Variants in CSMD1 observed in about 807,000 individuals in gnomAD.
CSMD1 encodes CUB and Sushi multiple domains 1, also known as CUB and sushi domain-containing protein 1.
CSMD1 carries 213 observed loss-of-function variants against 417.5 expected under a neutral mutation model. The observed-to-expected ratio is 0.51, with a 90% CI of 0.46 to 0.57. The LOEUF is 0.57. Among genes scored for constraint, CSMD1 ranks in the 20% least tolerant of loss-of-function variants. CSMD1 has a pLI of 0.00. For missense variants in CSMD1, 6,923 were observed against 4,529.7 expected (o/e 1.53, Z -15.17); for synonymous variants, 2,862 against 1,736.8 (o/e 1.65, Z -16.11).
At chr8:4,396,392 G>A (rs976515798) in intron 3 of CSMD1, among the ~76,000 whole-genome samples, 1 of 152,062 alleles carries the variant, frequency 6.6e-6, no homozygotes, top group African/African-American at 2.4e-5. Flanking sequence ...GCTTGAGCCT[G>A]GGAGGCAGAG....
intron 1 of CSMD1, among the ~76,000 whole-genome samples, chr8:4,889,507 T>A (rs796222001): frequency 5.9e-5 from 9 of 152,258 alleles, no homozygotes; most frequent in African/African-American, 1.9e-4. Flanking sequence ...CCTTGTGATA[T>A]GTTTATCATT....
intron 25 of CSMD1, among the ~76,000 whole-genome samples, chr8:3,288,579 A>G (rs1400693618): frequency 6.8e-6 from 1 of 147,116 alleles, no homozygotes; most frequent in Non-Finnish European, 1.5e-5. Context: ...TTTCTAGTTT[A>G]TTTGCATAGA....
At chr8:4,819,578 T>C (rs1488940676) in intron 1 of CSMD1, among the ~76,000 whole-genome samples, 2 of 152,166 alleles carry the variant, frequency 1.3e-5, no homozygotes, top group African/African-American at 2.4e-5. Context: ...GTAAAATGTG[T>C]GTATCTTGTT....
chr8:4,417,971 T>A (rs1797038883), intron 3 of CSMD1, among the ~76,000 whole-genome samples: 1 of 151,998 alleles, frequency 6.6e-6, no homozygotes, highest in Non-Finnish European at 1.5e-5. Flanking sequence ...TTATCTTACC[T>A]TACTCTTCCA....
intron 49 of CSMD1, among the ~76,000 whole-genome samples, chr8:3,053,409 C>T (rs1264826402): frequency 2.6e-5 from 4 of 152,106 alleles, no homozygotes; most frequent in African/African-American, 7.2e-5. Context: ...AATCAGCCGC[C>T]TCAGCTCTGA....
intron 3 of CSMD1, among the ~76,000 whole-genome samples, chr8:4,180,319 T>A (rs557725622): frequency 6.6e-6 from 1 of 151,336 alleles, no homozygotes; most frequent in African/African-American, 2.4e-5. Flanking sequence ...CAGTAAACTA[T>A]TGCAAGGACA....
chr8:4,742,346 A>T (rs2617048), intron 1 of CSMD1, among the ~76,000 whole-genome samples: 1 of 151,566 alleles, frequency 6.6e-6, no homozygotes, highest in African/African-American at 2.4e-5. Flanking sequence ...GAATTTTGAG[A>T]AGCACATCTC....
At chr8:3,384,372 C>T (rs1302073472) in intron 18 of CSMD1, among the ~76,000 whole-genome samples, 1 of 151,696 alleles carries the variant, frequency 6.6e-6, no homozygotes, top group Admixed American at 6.6e-5. Context: ...TAGGATATCC[C>T]TTTTCTACAA....
At chr8:4,490,885 G>A (rs1476640517) in intron 2 of CSMD1, among the ~76,000 whole-genome samples, 9 of 152,138 alleles carry the variant, frequency 5.9e-5, no homozygotes, top group South Asian at 2.1e-4. Context: ...TACACACAAA[G>A]CACAGCAGTG....
Position 4,485,082 on chromosome 8 carries a change from A to G in CSMD1, c.303-65017T>C, listed in dbSNP as rs376245788. 5.1e-4 allele frequency among the ~76,000 whole-genome samples: 77 copies of G among 151,322 alleles called. No homozygotes were observed. The East Asian group carries it at 7.8e-3, about 15-fold the overall frequency. ...TTCTACTCATTTCTACCCACACAGAAAGGAGATGCTGAGAGAGGGTCTGTA... is the reference window on the plus strand; with the variant it reads ...TTCTACTCATTTCTACCCACACAGAGAGGAGATGCTGAGAGAGGGTCTGTA... On this transcript the variant is annotated intron_variant, in intron 2 of 69. Transcript: ENST00000635120.
At chr8:4,992,317 C>T (rs981596088) in intron 1 of CSMD1, among the ~76,000 whole-genome samples, 1 of 152,194 alleles carries the variant, frequency 6.6e-6, no homozygotes, top group African/African-American at 2.4e-5. Context: ...GATTATTAAG[C>T]AGCCGAGCTA....
Position 3,991,567 on chromosome 8 carries a change from A to C in CSMD1, c.818+6336T>G, listed in dbSNP as rs766237173. ...TGTCTAGTGAATAATGCTGGAAAGA[A>C]ACACGTAAGAGTAGCTAGTGATGAC... On this transcript the variant is annotated intron_variant, in intron 5 of 69. Coordinates refer to ENST00000635120, the MANE Select transcript of CSMD1 (RefSeq NM_033225.6). Among the ~76,000 whole-genome samples, 3 of 152,224 alleles carry C rather than the reference A, an allele frequency of 2.0e-5. No homozygotes were observed. In the East Asian group the frequency reaches 5.8e-4, roughly 29 times the overall value.
intron 3 of CSMD1, among the ~76,000 whole-genome samples, chr8:4,114,828 G>A (rs1279496014): frequency 6.6e-6 from 1 of 152,126 alleles, no homozygotes; most frequent in Non-Finnish European, 1.5e-5. Flanking sequence ...AATTAGAAGG[G>A]GAGGCTGAAG....
intron 1 of CSMD1, among the ~76,000 whole-genome samples, chr8:4,669,975 G>A (rs1805187908): frequency 6.6e-6 from 1 of 152,160 alleles, no homozygotes. Context: ...GAGCTGCTGA[G>A]CTGAAGATCT....
At chr8:3,484,963 G>A (rs1024591589) in intron 11 of CSMD1, among the ~76,000 whole-genome samples, 1 of 152,048 alleles carries the variant, frequency 6.6e-6, no homozygotes, top group Non-Finnish European at 1.5e-5. Context: ...TAACATCATG[G>A]GCTGTGATGT....
At chr8:3,378,258 T>C (rs1212894194) in intron 18 of CSMD1, among the ~76,000 whole-genome samples, 5 of 152,156 alleles carry the variant, frequency 3.3e-5, no homozygotes, top group East Asian at 1.9e-4. Flanking sequence ...CAGTAATTAA[T>C]AGCCTACCAA....
chr8:3,271,085 C>A (rs1391605400), intron 26 of CSMD1, among the ~76,000 whole-genome samples: 5 of 124,290 alleles, frequency 4.0e-5, no homozygotes, highest in Admixed American at 9.0e-5. Flanking sequence ...CCCCTCCCCC[C>A]ACCCCACAAC....
chr8:3,435,424 T>C (rs766569518), intron 12 of CSMD1, among the ~76,000 whole-genome samples: 9 of 152,132 alleles, frequency 5.9e-5, no homozygotes, highest in Non-Finnish European at 1.3e-4. Flanking sequence ...AAACATCACC[T>C]GTGGATGCCT....
chr8:3,727,948 G>C (rs755176853), intron 6 of CSMD1, among the ~76,000 whole-genome samples: 2 of 152,142 alleles, frequency 1.3e-5, no homozygotes, highest in East Asian at 3.9e-4. Context: ...GGGGGTATGG[G>C]TAATGAGAGT....
Sources: gnomAD v4.1 joint callset for allele counts (sites outside exome capture counted in the v4.1 genomes callset) on GRCh38, gnomAD v4.1.1 for gene constraint, MANE v1.5 for transcripts, NCBI Gene and HGNC (gene_info 2026-07-23, HGNC 2026-07-21) for gene names.